Variants in MROH1 observed in about 807,000 individuals in gnomAD.
MROH1 encodes maestro heat like repeat family member 1.
Under a neutral mutation model 116.5 loss-of-function variants are expected in MROH1, and 117 were observed. The ratio of observed to expected loss-of-function variants is 1.00; its 90% CI spans 0.86 to 1.17. The LOEUF (loss-of-function observed/expected upper bound fraction) is 1.17. Ranked by LOEUF, MROH1 falls within the 50% of genes most tolerant of loss-of-function variation. The pLI, the probability that MROH1 is intolerant of heterozygous loss-of-function variation, is 0.00. For synonymous variants in MROH1, 921 were observed against 583.9 expected, an observed-to-expected ratio of 1.58 and a Z score of -8.32; for missense variants, 1,873 against 1,338.5, an observed-to-expected ratio of 1.40 and a Z score of -6.23.
chr8:144,213,981 GT>G (rs1196578294), intron 12 of MROH1: 1 of 152,016 alleles, frequency 6.6e-6, no homozygotes, highest in Non-Finnish European at 1.5e-5. Context: ...TCCAAAAGAT[GT>G]TCTTCTTTTT....
intron 12 of MROH1, among the ~76,000 whole-genome samples, chr8:144,216,330 C>T (rs529587603): frequency 4.0e-5 from 6 of 151,816 alleles, no homozygotes; most frequent in South Asian, 2.1e-4. Flanking sequence ...AAAAATTAGC[C>T]GGGCGTGGTG....
intron 35 of MROH1, among the ~76,000 whole-genome samples, chr8:144,258,519 C>T (rs1844353304): frequency 6.6e-6 from 1 of 152,210 alleles, no homozygotes; most frequent in African/African-American, 2.4e-5. Context: ...GTCCAGCTCT[C>T]AGGCTGGTGG....
chr8:144,194,166 A>G (rs1025849485), intron 10 of MROH1, among the ~76,000 whole-genome samples: 1 of 151,910 alleles, frequency 6.6e-6, no homozygotes, highest in Non-Finnish European at 1.5e-5. Context: ...GGGTTTAAGC[A>G]ATTCTCTTGC....
intron 14 of MROH1, among the ~76,000 whole-genome samples, chr8:144,224,754 G>A (rs956560481): frequency 8.5e-5 from 13 of 152,170 alleles, no homozygotes; most frequent in East Asian, 1.9e-4. Flanking sequence ...TGGGGTGTTC[G>A]CCAGACACAC....
chr8:144,250,150 G>GT, intron 32 of MROH1, 62 bp from the exon 33 acceptor site: 2 of 735,508 alleles, frequency 2.7e-6, no homozygotes, highest in South Asian at 1.4e-5. Flanking sequence ...TTGGGCTGGC[G>GT]TAGGTGTGCC....
chr8:144,257,342 T>A (rs1053638217), intron 35 of MROH1, among the ~76,000 whole-genome samples: 1 of 152,116 alleles, frequency 6.6e-6, no homozygotes, highest in Non-Finnish European at 1.5e-5. Flanking sequence ...GCCCTGCTGT[T>A]GGTCAGCACC....
At chr8:144,255,908 T>C (rs889874781) in intron 35 of MROH1, among the ~76,000 whole-genome samples, 7 of 151,912 alleles carry the variant, frequency 4.6e-5, no homozygotes, top group Admixed American at 1.3e-4. Context: ...ACACTGGCTG[T>C]GAAGGCCTCC....
In MROH1 at chr8:144,261,862, C is replaced by A; in HGVS notation, c.*122C>A. ...TGGAGGGGCCTGGCCCCAGAACAGG[C>A]ACTGCTGGGGACCAAACCCAAGCCC... On this transcript the variant is annotated 3_prime_UTR_variant, in exon 44 of 44. Transcript: ENST00000326134. The A allele has an allele frequency of 1.4e-6, 1 of 689,778 alleles. No homozygotes were observed. 42.7% of individuals were successfully genotyped at this position (689,778 alleles called of 1,614,324 possible). A position where few individuals can be genotyped will look rare whatever the true frequency, so the allele number is the denominator to read the frequency against.
chr8:144,216,684 C>CTTTTTTTT (rs71320815), intron 12 of MROH1, among the ~76,000 whole-genome samples: 1 of 142,836 alleles, frequency 7.0e-6, no homozygotes, highest in African/African-American at 2.8e-5. Flanking sequence ...TTTTTTACTG[C>CTTTTTTTT]TTTTTTTTTT....
intron 32 of MROH1, among the ~76,000 whole-genome samples, chr8:144,249,346 G>A (rs950678015): frequency 6.6e-6 from 1 of 152,194 alleles, no homozygotes; most frequent in Admixed American, 6.5e-5. Context: ...GGGTGAAAGC[G>A]CTCATGTTTC....
intron 1 of MROH1, among the ~76,000 whole-genome samples, chr8:144,157,661 T>TTTTC (rs1240790698): frequency 1.1e-4 from 17 of 151,266 alleles, no homozygotes; most frequent in South Asian, 4.2e-4. Context: ...GCCTATTTCT[T>TTTTC]TTTCTTTCTT....
intron 35 of MROH1, among the ~76,000 whole-genome samples, chr8:144,256,206 A>G (rs1843736795): frequency 6.6e-6 from 1 of 152,060 alleles, no homozygotes; most frequent in Non-Finnish European, 1.5e-5. Flanking sequence ...GGGCCATAGC[A>G]CAGACAGAGG....
chr8:144,179,304 G>C, intron 4 of MROH1, 151 bp from the exon 5 acceptor site: 1 of 1,158,792 alleles, frequency 8.6e-7, no homozygotes, highest in African/African-American at 1.5e-5. Context: ...CCGGCTTTTA[G>C]GGCGTGAGGA....
At chr8:144,162,543 G>A (rs1267330915) in intron 2 of MROH1, among the ~76,000 whole-genome samples, 2 of 151,626 alleles carry the variant, frequency 1.3e-5, no homozygotes, top group African/African-American at 2.4e-5. Context: ...TTACAGGCAT[G>A]AGCCACCAGA....
At chr8:144,226,417 T>G (rs1478616397) in intron 14 of MROH1, among the ~76,000 whole-genome samples, 1 of 152,198 alleles carries the variant, frequency 6.6e-6, no homozygotes, top group Non-Finnish European at 1.5e-5. Flanking sequence ...TCTGTCATCA[T>G]CTGTCAGCAG....
chr8:144,233,626 C>T (rs1382681102), intron 14 of MROH1, among the ~76,000 whole-genome samples: 1 of 152,188 alleles, frequency 6.6e-6, no homozygotes, highest in African/African-American at 2.4e-5. Context: ...TGGCTTCTCC[C>T]ACTCAGCATA....
At chr8:144,172,871 A>G (rs549957189) in intron 4 of MROH1, among the ~76,000 whole-genome samples, 49 of 152,188 alleles carry the variant, frequency 3.2e-4, no homozygotes, top group African/African-American at 1.1e-3. Flanking sequence ...AAATGTATAA[A>G]ACCAAACTAA....
chr8:144,197,439 TTTTTTTTTTTTTTTG>T, intron 10 of MROH1, among the ~76,000 whole-genome samples: 1 of 123,910 alleles, frequency 8.1e-6, no homozygotes, highest in South Asian at 3.0e-4. Flanking sequence ...TTTTTTTTTT[TTTTTTTTTTTTTTTG>T]AGACGGAATC....
chr8:144,192,237 GCT>G (rs1828800635), intron 9 of MROH1, 70 bp from the exon 10 acceptor site: 1 of 1,322,700 alleles, frequency 7.6e-7, no homozygotes, highest in Non-Finnish European at 1.0e-6. Context: ...CAACTGGGAG[GCT>G]CTGATTGACC....
Sources: gnomAD v4.1 joint callset for allele counts (sites outside exome capture counted in the v4.1 genomes callset) on GRCh38, gnomAD v4.1.1 for gene constraint, MANE v1.5 for transcripts, NCBI Gene and HGNC (gene_info 2026-07-23, HGNC 2026-07-21) for gene names.